The following PECAM1 variants were observed in gnomAD, a reference collection of about 807,000 sequenced individuals.
PECAM1 encodes platelet endothelial cell adhesion molecule.
A neutral mutation model predicts 13.8 loss-of-function variants in PECAM1; 8 were observed. The ratio of observed to expected loss-of-function variants is 0.58; its 90% CI spans 0.34 to 1.05. The LOEUF is 1.05. Among genes scored for constraint, PECAM1 ranks in the 50% least tolerant of loss-of-function variants. PECAM1 has a pLI of 0.03. For missense variants in PECAM1, 304 were observed against 141.2 expected, an observed-to-expected ratio of 2.15 and a Z score of -5.84; for synonymous variants, 136 against 52.6, an observed-to-expected ratio of 2.58 and a Z score of -6.86.
At chr17:64,370,651 C>A (rs2036218486) in intron 4 of PECAM1, among the ~76,000 whole-genome samples, 1 of 152,082 alleles carries the variant, frequency 6.6e-6, no homozygotes, top group East Asian at 1.9e-4. Flanking sequence ...CTAGAACAGC[C>A]TCTGGGCAAC....
In PECAM1 at chr17:64,360,289, C is replaced by T. The variant is rs930796913; in HGVS notation, c.1343G>A (p.Ser448Asn). 1 of 475,366 alleles carries T rather than the reference C, an allele frequency of 2.1e-6. No individual in the cohort carries two copies. The highest frequency in any genetic ancestry group is 3.9e-6 in the Non-Finnish European group (1 of 259,046). 29.4% of individuals were successfully genotyped at this position (475,366 alleles called of 1,614,324 possible). A position where few individuals can be genotyped will look rare whatever the true frequency, so the allele number is the denominator to read the frequency against. Residue 448 changes from serine (S) to asparagine (N), a missense_variant, in exon 7 of 16, where the codon AGT becomes AAT. By Grantham distance (46) the Ser-to-Asn change is conservative. Coordinates refer to ENST00000563924, the MANE Select transcript of PECAM1 (RefSeq NM_000442.5). ...LPISYQLLKT[S>N]KVLENSTKNS... ...CTTGGTACTATTCTCCAAAACTTTACTTGTTTTTAAAAGTTGGTAAGAAAT... is the reference window on the plus strand; with the variant it reads ...CTTGGTACTATTCTCCAAAACTTTATTTGTTTTTAAAAGTTGGTAAGAAAT...
intron 2 of PECAM1, chr17:64,379,228 T>G (rs911601354): frequency 6.6e-6 from 1 of 152,212 alleles, no homozygotes; most frequent in South Asian, 2.1e-4. Flanking sequence ...AATTGTGTCA[T>G]TTCTGGCAAG....
At chr17:64,326,636 C>A (rs192013693) in intron 15 of PECAM1, among the ~76,000 whole-genome samples, 10 of 152,228 alleles carry the variant, frequency 6.6e-5, no homozygotes, top group Non-Finnish European at 1.5e-4. Context: ...CACCTCCGCT[C>A]TCTCTCTGTG....
chr17:64,371,361 C>A (rs921595598), intron 4 of PECAM1, among the ~76,000 whole-genome samples: 1 of 152,022 alleles, frequency 6.6e-6, no homozygotes, highest in Non-Finnish European at 1.5e-5. Flanking sequence ...ATATCACTGA[C>A]AAATAGCTAA....
chr17:64,369,562 C>T (rs1039625362), intron 5 of PECAM1, among the ~76,000 whole-genome samples, 188 bp downstream of exon 5: 40 of 152,182 alleles, frequency 2.6e-4, no homozygotes, highest in African/African-American at 8.9e-4. Flanking sequence ...ACCCTCAACA[C>T]GCACAGTAGA....
chr17:64,378,138 G>A (rs2036403381), intron 2 of PECAM1, 21 bp from the exon 3 acceptor site: 6 of 471,470 alleles, frequency 1.3e-5, no homozygotes, highest in East Asian at 1.3e-4. Flanking sequence ...AGGGAAGGAA[G>A]GCAGACATAC....
At position 64,323,494 on chromosome 17, in the gene PECAM1, C is replaced by T; in HGVS notation, c.*322G>A. ...CATGGAAAAGGTCTTTATCTCTGCA[C>T]AAAACAAAATATTCAAGTTTCAGAA... is the stretch of plus-strand genomic sequence containing the variant. On this transcript the variant is annotated 3_prime_UTR_variant, in exon 16 of 16. Coordinates refer to ENST00000563924, the MANE Select transcript of PECAM1 (RefSeq NM_000442.5). 8 of 1,299,772 alleles carry T rather than the reference C, an allele frequency of 6.2e-6. No individual in the cohort carries two copies. The highest frequency in any genetic ancestry group is 6.9e-6 in the Non-Finnish European group (7 of 1,016,440). The allele number at this position is 1,299,772 out of a possible 1,614,324, so 80.5% of individuals were successfully genotyped here. A position where few individuals can be genotyped will look rare whatever the true frequency, so the allele number is the denominator to read the frequency against.
chr17:64,340,522 C>T (rs1411793891), intron 14 of PECAM1, among the ~76,000 whole-genome samples: 6 of 152,168 alleles, frequency 3.9e-5, no homozygotes, highest in Admixed American at 2.6e-4. Flanking sequence ...ACAATGTTTA[C>T]GTCTTTCGGA....
intron 15 of PECAM1, among the ~76,000 whole-genome samples, chr17:64,324,402 C>T (rs2034888276): frequency 6.6e-6 from 1 of 152,192 alleles, no homozygotes; most frequent in South Asian, 2.1e-4. Flanking sequence ...TCTCTCCATG[C>T]CTGCTCTGTA....
At chr17:64,367,006 CAAAA>C (rs56908523) in intron 5 of PECAM1, among the ~76,000 whole-genome samples, 2 of 123,944 alleles carry the variant, frequency 1.6e-5, no homozygotes, top group African/African-American at 6.8e-5. Flanking sequence ...AACTCCATTT[CAAAA>C]AAAAAAAAAA....
In PECAM1 at chr17:64,336,620, G is replaced by A. The variant is rs1180723970; in HGVS notation, c.2164+5014C>T. Reference sequence around the variant, plus strand: ...AAGAAAAGCTGAGCATTCAGGTGGCGCACGCCTGAATCCCAGCACTTTGGG... The same window carrying A: ...AAGAAAAGCTGAGCATTCAGGTGGCACACGCCTGAATCCCAGCACTTTGGG... On this transcript the variant is annotated intron_variant, in intron 14 of 15. Transcript: ENST00000563924. Among the ~76,000 whole-genome samples, 17 of 152,140 alleles carry A rather than the reference G, an allele frequency of 1.1e-4. No individual in the cohort carries two copies. In the East Asian group the frequency reaches 1.4e-3, roughly 12 times the overall value.
At chr17:64,329,449 G>T (rs1219090567) in intron 15 of PECAM1, among the ~76,000 whole-genome samples, 1 of 152,198 alleles carries the variant, frequency 6.6e-6, no homozygotes, top group African/African-American at 2.4e-5. Flanking sequence ...TGCTTTGCTT[G>T]TTTGGCGCTA....
At chr17:64,342,124 T>G in intron 13 of PECAM1, among the ~76,000 whole-genome samples, 1 of 147,024 alleles carries the variant, frequency 6.8e-6, no homozygotes, top group South Asian at 2.2e-4. Flanking sequence ...CACTCCAGCC[T>G]GGGCAACACA....
At chr17:64,361,579 C>T (rs2035981191) in intron 6 of PECAM1, among the ~76,000 whole-genome samples, 1 of 151,622 alleles carries the variant, frequency 6.6e-6, no homozygotes, top group Non-Finnish European at 1.5e-5. Flanking sequence ...TGTAGAGAAA[C>T]CCCGTCTCTA....
At chr17:64,368,268 A>G (rs2036157560) in intron 5 of PECAM1, among the ~76,000 whole-genome samples, 1 of 152,174 alleles carries the variant, frequency 6.6e-6, no homozygotes, top group Admixed American at 6.5e-5. Context: ...AGCGGCTTGC[A>G]TTCTAGTGGC....
chr17:64,330,752 C>CTT (rs11388542), intron 14 of PECAM1, among the ~76,000 whole-genome samples: 23 of 149,178 alleles, frequency 1.5e-4, no homozygotes, highest in South Asian at 2.1e-4. Flanking sequence ...CCTGTTGATA[C>CTT]TTTTTTTTTT....
chr17:64,341,256 T>C (rs1405667804), intron 14 of PECAM1, among the ~76,000 whole-genome samples: 1 of 147,710 alleles, frequency 6.8e-6, no homozygotes. Flanking sequence ...AGAGCGAGAC[T>C]CCATATCCAA....
intron 10 of PECAM1, among the ~76,000 whole-genome samples, chr17:64,352,931 C>T (rs947884824): frequency 2.6e-5 from 4 of 152,072 alleles, no homozygotes; most frequent in South Asian, 4.2e-4. Flanking sequence ...ATTACAGGTG[C>T]GAGCCACCAT....
chr17:64,334,817 T>C (rs1290347090), intron 14 of PECAM1, among the ~76,000 whole-genome samples: 1 of 152,116 alleles, frequency 6.6e-6, no homozygotes, highest in Non-Finnish European at 1.5e-5. Context: ...CTGGGCCCCC[T>C]GTTTTATTGG....
Sources: allele counts gnomAD v4.1 joint callset (sites outside exome capture counted in the v4.1 genomes callset), GRCh38; gene constraint gnomAD v4.1.1; transcripts MANE v1.5; gene names NCBI Gene and HGNC (gene_info 2026-07-23, HGNC 2026-07-21).